The following AGXT variants were observed in gnomAD, a reference collection of about 807,000 sequenced individuals.
AGXT encodes L-alanine: glyoxylate aminotransferase 1.
In AGXT, 41 loss-of-function variants were observed where a neutral mutation model predicts 46.9. The observed-to-expected ratio is 0.88, with a 90% CI of 0.68 to 1.14. AGXT has a LOEUF of 1.14. Ranked by LOEUF, AGXT falls within the 50% of genes most tolerant of loss-of-function variation. The pLI, the probability that AGXT is intolerant of heterozygous loss-of-function variation, is 0.00. For missense variants in AGXT, 525 were observed against 522.7 expected (o/e 1.00, Z -0.04); for synonymous variants, 244 against 227.9 (o/e 1.07, Z -0.64).
At chr2:240,871,742 G>A (rs897048675) in intron 4 of AGXT, among the ~76,000 whole-genome samples, 3 of 152,208 alleles carry the variant, frequency 2.0e-5, no homozygotes, top group African/African-American at 4.8e-5. Context: ...TCTTGCCAGG[G>A]CCTGTCCCCA....
rs2059045870 is a variant in AGXT, at chr2:240,879,377, GAGCGCACAGCCAGGACCTGAGC to G, written c.*557_*578del. On this transcript the variant is annotated 3_prime_UTR_variant, in exon 11 of 11. Coordinates refer to ENST00000307503, the MANE Select transcript of AGXT (RefSeq NM_000030.3). ...TGGACAAGGGTACCTGCGTGCTGGA[GAGCGCACAGCCAGGACCTGAGC>G]CCATGACACGTGGAAGCCTCCAATG... 5.7e-6 allele frequency: 1 copy of G among 175,750 alleles called. No homozygotes were observed. Among genetic ancestry groups the G allele is most frequent in the Non-Finnish European group, 1.2e-5 (1 of 83,044 alleles). The allele number at this position is 175,750 out of a possible 1,614,324, so 10.9% of individuals were successfully genotyped here. A position where few individuals can be genotyped will look rare whatever the true frequency, so the allele number is the denominator to read the frequency against.
At chr2:240,871,881 A>C (rs1242019002) in intron 4 of AGXT, among the ~76,000 whole-genome samples, 1 of 152,230 alleles carries the variant, frequency 6.6e-6, no homozygotes. Context: ...GATTCCTGAG[A>C]AATGCGGACA....
chr2:240,872,981 A>G lies in AGXT; in HGVS notation c.527A>G (p.Tyr176Cys). Reference sequence around the variant, plus strand: ...CATTCTGTCCCCCACCTCTCCAGGTACAAGTGCCTGCTCCTGGTGGATTCG... The same window carrying G: ...CATTCTGTCCCCCACCTCTCCAGGTGCAAGTGCCTGCTCCTGGTGGATTCG... Reference protein sequence around the residue: ...LDGFGELCHRYKCLLLVDSVA... With the variant: ...LDGFGELCHRCKCLLLVDSVA... Residue 176 changes from tyrosine to cysteine, a missense_variant and splice_region_variant, in exon 5 of 11, where the codon TAC becomes TGC. Transcript: ENST00000307503. The G allele has an allele frequency of 6.2e-7, 1 of 1,613,756 alleles. No homozygotes were observed. Among genetic ancestry groups the G allele is most frequent in the Non-Finnish European group, 8.5e-7 (1 of 1,179,758 alleles).
chr2:240,878,229 C>G, intron 10 of AGXT, 79 bp downstream of exon 10: 1 of 1,581,052 alleles, frequency 6.3e-7, no homozygotes, highest in Non-Finnish European at 8.6e-7. Context: ...GCACCAGGTG[C>G]AGGGGAGGCC....
chr2:240,871,067 C>T (rs2058988052), intron 3 of AGXT: 1 of 586,500 alleles, frequency 1.7e-6, no homozygotes, highest in East Asian at 2.8e-5. Context: ...CCTCAGCCTA[C>T]CCGGAGTGTG....
intron 4 of AGXT, 144 bp from the exon 5 acceptor site, chr2:240,872,835 T>C (rs2058999321): frequency 1.4e-6 from 1 of 721,124 alleles, no homozygotes; most frequent in Non-Finnish European, 2.5e-6. Flanking sequence ...AGAAGGCAAC[T>C]GGCCAACTCC....
chr2:240,875,198 C>A lies in AGXT; in HGVS notation c.770C>A (p.Pro257His), dbSNP rs754303504. ...AACTTCTGGGGCTGTGACGACCAGC[C>A]CAGGATGTGAGGCCTGGCAGGGATG... ...LANFWGCDDQ[P>H]RMYHHTIPVI... The change falls in exon 7 of 11, where the codon CCC (proline) becomes CAC (histidine). Residue 257 changes from proline (P) to histidine (H), a missense_variant. Transcript: ENST00000307503. The A allele has an allele frequency of 2.5e-6, 4 of 1,612,278 alleles. No homozygotes were observed. Among genetic ancestry groups the A allele is most frequent in the Non-Finnish European group, 3.4e-6 (4 of 1,178,418 alleles).
At position 240,878,710 on chromosome 2, in the gene AGXT, C is replaced by A. The variant is rs367933811; in HGVS notation, c.1072-4C>A. On this transcript the variant is annotated splice_region_variant and splice_polypyrimidine_tract_variant and intron_variant, in intron 10 of 10. Coordinates refer to ENST00000307503, the MANE Select transcript of AGXT (RefSeq NM_000030.3). ...CTGACGTCAGCCCGCCCTGTGCCCC[C>A]CAGGTGCTGCGGATCGGCCTGCTGG... 2 of 1,551,430 alleles carry A rather than the reference C, an allele frequency of 1.3e-6. No individual in the cohort carries two copies. Among genetic ancestry groups the A allele is most frequent in the African/African-American group, 1.4e-5 (1 of 73,878 alleles).
Position 240,868,839 on chromosome 2 carries a change from T to C in AGXT, c.-27T>C. On this transcript the variant is annotated 5_prime_UTR_variant, in exon 1 of 11. Transcript: ENST00000307503. ...GGCCAAGGCCAGTGCAGCCCCAGGT[T>C]CCCGAGCGGCAGGTTGGGTGCGGAC... is the stretch of plus-strand genomic sequence containing the variant. 1 of 1,602,786 alleles carries C rather than the reference T, an allele frequency of 6.2e-7. No homozygotes were observed. Among genetic ancestry groups the C allele is most frequent in the Non-Finnish European group, 8.5e-7 (1 of 1,174,856 alleles).
chr2:240,878,865 A>G lies in AGXT; in HGVS notation c.*44A>G. On this transcript the variant is annotated 3_prime_UTR_variant, in exon 11 of 11. Transcript: ENST00000307503. The stretch of plus-strand genomic sequence containing the variant: ...GCTGGCACTGGCACACACCTGTCCC[A>G]TGCCCACCCTGAGGGATCAGGAGCA... 2 of 1,519,502 alleles carry G rather than the reference A, an allele frequency of 1.3e-6. No individual in the cohort carries two copies. The highest frequency in any genetic ancestry group is 2.4e-5 in the South Asian group (2 of 83,842). 94.1% of individuals were successfully genotyped at this position (1,519,502 alleles called of 1,614,324 possible).
chr2:240,875,113 A>G lies in AGXT; in HGVS notation c.685A>G (p.Lys229Glu). The change falls in exon 7 of 11, where the codon AAG becomes GAG. Residue 229 changes from lysine to glutamate, a missense_variant. Lys to Glu is a moderately conservative substitution (Grantham distance 56). Transcript: ENST00000307503. ...AGCCTGCTTCTTTCTCCCCAGAAAG[A>G]AGATGTACTCCCGCAAGACGAAGCC... ...LISFSDKAKKKMYSRKTKPFS... is the reference protein window; with the variant it reads ...LISFSDKAKKEMYSRKTKPFS... 1 of 1,610,892 alleles carries G rather than the reference A, an allele frequency of 6.2e-7. No individual in the cohort carries two copies. The highest frequency in any genetic ancestry group is 8.5e-7 in the Non-Finnish European group (1 of 1,177,068).
rs2059043439 is a variant in AGXT, at chr2:240,879,013, A to G, written c.*192A>G. The G allele has an allele frequency of 1.6e-6, 1 of 636,242 alleles. No individual in the cohort carries two copies. The highest frequency in any genetic ancestry group is 2.8e-6 in the Non-Finnish European group (1 of 355,924). 39.4% of individuals were successfully genotyped at this position (636,242 alleles called of 1,614,324 possible). ...TTTTCCCTCCAGTGGCACCTCCTGG[A>G]AACAGTCCACTTGGGCGCAAAACCC... On this transcript the variant is annotated 3_prime_UTR_variant, in exon 11 of 11. Transcript: ENST00000307503.
At chr2:240,875,326 A>G (rs1322038982) in intron 7 of AGXT, 122 bp downstream of exon 7, 2 of 817,494 alleles carry the variant, frequency 2.4e-6, no homozygotes, top group African/African-American at 3.4e-5. Context: ...AAGAACCCCA[A>G]CTAGAGCCCC....
chr2:240,873,156 GCCC>G (rs943398517), intron 5 of AGXT, 107 bp downstream of exon 5: 50 of 973,424 alleles, frequency 5.1e-5, no homozygotes, highest in Admixed American at 2.4e-4. Flanking sequence ...TGCGGATTCG[GCCC>G]CATCTCCACC....
chr2:240,869,505 G>T, intron 2 of AGXT, 143 bp downstream of exon 2: 1 of 998,152 alleles, frequency 1.0e-6, no homozygotes, highest in Non-Finnish European at 1.4e-6. Context: ...CCTCCTGCCA[G>T]CCCACTGCCT....
At chr2:240,874,587 G>A (rs1434138094) in intron 6 of AGXT, among the ~76,000 whole-genome samples, 1 of 152,250 alleles carries the variant, frequency 6.6e-6, no homozygotes, top group Non-Finnish European at 1.5e-5. Flanking sequence ...AGGACTTCGG[G>A]GAGAAGTCAG....
chr2:240,877,115 A>G, intron 8 of AGXT: 1 of 362,110 alleles, frequency 2.8e-6, no homozygotes. Context: ...GAGCTGAGGC[A>G]GGAGCAGTGC....
At chr2:240,872,312 T>G in intron 4 of AGXT, among the ~76,000 whole-genome samples, 7 of 121,454 alleles carry the variant, frequency 5.8e-5, no homozygotes, top group African/African-American at 9.9e-5. Context: ...AGGGTGAGAG[T>G]TCGTGAACAT....
intron 8 of AGXT, among the ~76,000 whole-genome samples, chr2:240,876,667 A>G (rs935399729): frequency 2.0e-5 from 3 of 152,244 alleles, no homozygotes; most frequent in African/African-American, 7.2e-5. Flanking sequence ...TGAGGTTGCA[A>G]GGCCGTGCCT....
Sources: allele counts gnomAD v4.1 joint callset (sites outside exome capture counted in the v4.1 genomes callset), GRCh38; gene constraint gnomAD v4.1.1; transcripts MANE v1.5; gene names NCBI Gene and HGNC (gene_info 2026-07-23, HGNC 2026-07-21).